ZNF217: variants seen among roughly 807,000 people sequenced by gnomAD.
ZNF217 encodes zinc finger protein 217.
Under a neutral mutation model 73.3 loss-of-function variants are expected in ZNF217, and 12 were observed. The observed-to-expected ratio is 0.16, with a 90% CI of 0.10 to 0.27. The LOEUF (loss-of-function observed/expected upper bound fraction) is 0.27, where lower values mean the gene tolerates loss of function less well. ZNF217 is among the 10% of genes least tolerant of loss of function. The pLI is 1.00. For synonymous variants in ZNF217, 588 were observed against 516.4 expected, an observed-to-expected ratio of 1.14 and a Z score of -1.88; for missense variants, 1,195 against 1,327.8, an observed-to-expected ratio of 0.90 and a Z score of 1.55.
chr20:53,597,698 A>G (rs558069410), upstream of ZNF217: 3 of 152,110 alleles, frequency 2.0e-5, no homozygotes, highest in East Asian at 5.8e-4. Flanking sequence ...CTGGCTCCAA[A>G]CAATACTGGA....
intron 1 of ZNF217, among the ~76,000 whole-genome samples, chr20:53,593,281 T>C (rs1479225258): frequency 1.3e-5 from 2 of 152,092 alleles, no homozygotes; most frequent in African/African-American, 4.8e-5. Flanking sequence ...ACGCATTGTT[T>C]TGGCCGCTTC....
intron 5 of ZNF217, 46 bp downstream of exon 5, chr20:53,571,675 A>C: frequency 6.4e-7 from 1 of 1,572,546 alleles, no homozygotes; most frequent in South Asian, 1.2e-5. Context: ...CCAAATGGCC[A>C]CCGCACTCAG....
At chr20:53,587,810 T>A (rs2145973446) in intron 1 of ZNF217, among the ~76,000 whole-genome samples, 2 of 147,616 alleles carry the variant, frequency 1.4e-5, no homozygotes, top group African/African-American at 5.1e-5. Context: ...ACGCACAGTA[T>A]TTTTTCTTAA....
At chr20:53,573,671 C>A (rs1207573016) in intron 4 of ZNF217, among the ~76,000 whole-genome samples, 1 of 152,144 alleles carries the variant, frequency 6.6e-6, no homozygotes. Context: ...GTTGACCAGT[C>A]TGGTCTCCAA....
rs1463773753 is a variant in ZNF217, at chr20:53,582,668, T to G, written c.159A>C (p.Glu53Asp). The G allele has an allele frequency of 6.2e-7, 1 of 1,614,182 alleles. No individual in the cohort carries two copies. Among genetic ancestry groups the G allele is most frequent in the South Asian group, 1.1e-5 (1 of 91,082 alleles). The change falls in exon 2 of 6, where the codon GAA becomes GAC. Residue 53 changes from glutamate to aspartate, a missense_variant. Glu to Asp is a conservative substitution (Grantham distance 45, BLOSUM62 2). Around this residue, in one of 9 missense-constraint regions of ZNF217, gnomAD observed 147 missense variants for 184.3 expected, o/e 0.80. Transcript: ENST00000371471. The surrounding 1 kb of genome is among the most constrained non-coding windows in gnomAD (Gnocchi z 4.8). ...ACCCCTCGATTTGGATGACATTTTT[T>G]TCTTGTGTAGCTCGGAATGGAACAA... is the stretch of plus-strand genomic sequence containing the variant. ...TAVVPFRATQ[E>D]KNVIQIEGYM...
Position 53,577,355 on chromosome 20 carries a change from GA to G in ZNF217, c.1484-76del, listed in dbSNP as rs1227348018. ...AATAGATCAAATATCTATTTATTAA[GA>G]AAACAGGCTTCTTTCCTCCTTTTGC... On this transcript the variant is annotated intron_variant, in intron 3 of 5. Coordinates refer to ENST00000371471, the MANE Select transcript of ZNF217 (RefSeq NM_006526.3). 3.0e-6 allele frequency: 4 copies of G among 1,322,388 alleles called. No homozygotes were observed. In the Admixed American group the frequency reaches 1.0e-4, roughly 34 times the overall value. 81.9% of individuals were successfully genotyped at this position (1,322,388 alleles called of 1,614,324 possible). A position where few individuals can be genotyped will look rare whatever the true frequency, so the allele number is the denominator to read the frequency against.
intron 2 of ZNF217, among the ~76,000 whole-genome samples, chr20:53,580,989 T>C (rs531222457): frequency 2.8e-4 from 42 of 152,278 alleles, no homozygotes; most frequent in African/African-American, 9.9e-4. Context: ...GATGGGGCTG[T>C]CCTGTGCACT....
intron 2 of ZNF217, among the ~76,000 whole-genome samples, chr20:53,580,114 A>T (rs758755342): frequency 6.6e-6 from 1 of 152,224 alleles, no homozygotes; most frequent in Non-Finnish European, 1.5e-5. Flanking sequence ...TTAGATTTGT[A>T]GTATGCTAAG....
chr20:53,588,590 CTATCTATATATA>C (rs755509827), intron 1 of ZNF217, among the ~76,000 whole-genome samples: 21 of 26,694 alleles, frequency 7.9e-4, no homozygotes, highest in Admixed American at 2.0e-3. Flanking sequence ...ATACACACAT[CTATCTATATATA>C]TATATATATA....
intron 1 of ZNF217, among the ~76,000 whole-genome samples, chr20:53,590,762 A>G (rs1294146917): frequency 2.0e-5 from 3 of 152,224 alleles, no homozygotes; most frequent in Admixed American, 6.5e-5. Flanking sequence ...AAGAGAGAAA[A>G]AAGTGATTAG....
chr20:53,591,300 A>C (rs1988870611), intron 1 of ZNF217, among the ~76,000 whole-genome samples: 1 of 152,258 alleles, frequency 6.6e-6, no homozygotes, highest in Non-Finnish European at 1.5e-5. Flanking sequence ...GGGACACTAA[A>C]GAAAAAAGTG....
chr20:53,576,748 A>G lies in ZNF217; in HGVS notation c.2016T>C (p.Ala672=). 1 of 1,614,244 alleles carries G rather than the reference A, an allele frequency of 6.2e-7. No individual in the cohort carries two copies. Among genetic ancestry groups the G allele is most frequent in the Non-Finnish European group, 8.5e-7 (1 of 1,180,032 alleles). The change falls in exon 4 of 6, where the codon GCT becomes GCC. Residue 672 remains alanine, a synonymous_variant. Coordinates refer to ENST00000371471, the MANE Select transcript of ZNF217 (RefSeq NM_006526.3). ...CCACACTTGGCCTGTATCTGCAGTC[A>G]GCTGCGGTCTCCGTTTGCTTCTCTT... ...SPKEKQTETA[A]DCRYRPSVDC... is the part of the protein sequence containing the mutation.
chr20:53,591,746 G>A (rs887876932), intron 1 of ZNF217, among the ~76,000 whole-genome samples: 50 of 152,280 alleles, frequency 3.3e-4, no homozygotes, highest in Non-Finnish European at 5.6e-4. Context: ...CAGACAAAAA[G>A]CAATGAGGTT....
intron 1 of ZNF217, among the ~76,000 whole-genome samples, chr20:53,587,922 T>G (rs1988753174): frequency 6.6e-6 from 1 of 151,618 alleles, no homozygotes; most frequent in African/African-American, 2.4e-5. Flanking sequence ...TTCAACACTG[T>G]TTCAAGGAAA....
In ZNF217 at chr20:53,577,183, G is replaced by A. The variant is rs34614052; in HGVS notation, c.1581C>T (p.Thr527=). ...CGTTCTTGACTTCAGCAGCAACATC[G>A]GTTTGTTTTTCCTTGTGATGTCTCT... ...HLERHHKEKQ[T]DVAAEVKNDG... The change falls in exon 4 of 6, where the codon ACC becomes ACT. Residue 527 remains threonine, a synonymous_variant. Transcript: ENST00000371471. 4,687 of 1,613,174 alleles carry A rather than the reference G, an allele frequency of 2.9e-3. 139 individuals carry two copies. The African/African-American group carries it at 0.056, about 19-fold the overall frequency.
intron 4 of ZNF217, chr20:53,572,661 T>TTTG (rs1470760454): frequency 1.3e-5 from 2 of 152,170 alleles, no homozygotes; most frequent in Non-Finnish European, 2.9e-5. Context: ...CAAGCAATTC[T>TTTG]TGACAGAGTG....
chr20:53,590,390 C>A (rs1174683121), intron 1 of ZNF217, among the ~76,000 whole-genome samples: 1 of 152,020 alleles, frequency 6.6e-6, no homozygotes, highest in African/African-American at 2.4e-5. Flanking sequence ...GCCATATGGG[C>A]ATACAGGAGA....
intron 2 of ZNF217, among the ~76,000 whole-genome samples, chr20:53,580,281 C>T (rs1043057657): frequency 6.6e-6 from 1 of 152,158 alleles, no homozygotes; most frequent in African/African-American, 2.4e-5. Context: ...GCAAATTCAT[C>T]GTGGGTCTCA....
rs897252265 is a variant in ZNF217 at position 53,567,209 on chromosome 20, G to A, written c.*2079C>T. The A allele has an allele frequency of 1.2e-4, 19 of 152,288 alleles. No individual in the cohort carries two copies. Among genetic ancestry groups the A allele is most frequent in the African/African-American group, 4.1e-4 (17 of 41,334 alleles). The allele number at this position is 152,288 out of a possible 1,614,324, so 9.4% of individuals were successfully genotyped here. ...CAATTAAAATAAATCAAACTGGAAT[G>A]AAATAAATACATAAACAAAAATCCA... On this transcript the variant is annotated 3_prime_UTR_variant, in exon 6 of 6. Coordinates refer to ENST00000371471, the MANE Select transcript of ZNF217 (RefSeq NM_006526.3).
Sources: allele counts gnomAD v4.1 joint callset (sites outside exome capture counted in the v4.1 genomes callset), GRCh38; gene constraint gnomAD v4.1.1; regional missense constraint gnomAD v4.1.1; non-coding constraint Gnocchi (gnomAD v3.1); transcripts MANE v1.5; gene names NCBI Gene and HGNC (gene_info 2026-07-23, HGNC 2026-07-21).